Variants in NQO1 observed in about 807,000 individuals in gnomAD.
The protein encoded by NQO1 is NAD(P)H quinone dehydrogenase 1.
In NQO1, 30 loss-of-function variants were observed where a neutral mutation model predicts 32.1. That is an observed-to-expected ratio of 0.94 (90% CI 0.70 to 1.27). The LOEUF (loss-of-function observed/expected upper bound fraction) is 1.27. Ranked by LOEUF, NQO1 falls within the 50% of genes most tolerant of loss-of-function variation. The pLI, the probability that NQO1 is intolerant of heterozygous loss-of-function variation, is 0.00. For synonymous variants in NQO1, 109 were observed against 119.7 expected (o/e 0.91, Z 0.59); for missense variants, 276 against 331.3 (o/e 0.83, Z 1.30).
At chr16:69,715,918 G>C (rs2038106584) in intron 3 of NQO1, among the ~76,000 whole-genome samples, 1 of 152,066 alleles carries the variant, frequency 6.6e-6, no homozygotes, top group Non-Finnish European at 1.5e-5. Flanking sequence ...TATAATCCCA[G>C]TATTTTGGGA....
At chr16:69,721,952 G>A (rs752695782) in intron 1 of NQO1, among the ~76,000 whole-genome samples, 3 of 151,906 alleles carry the variant, frequency 2.0e-5, no homozygotes, top group African/African-American at 7.3e-5. Flanking sequence ...GCAGTGAGCC[G>A]TGATCACACC....
At chr16:69,717,900 C>A in intron 3 of NQO1, 1 of 599,870 alleles carries the variant, frequency 1.7e-6, no homozygotes, top group Non-Finnish European at 2.7e-6. Flanking sequence ...CGTGAGCCAC[C>A]GTGCCTGGCC....
At chr16:69,711,788 G>T (rs2038045377) in intron 5 of NQO1, among the ~76,000 whole-genome samples, 1 of 151,790 alleles carries the variant, frequency 6.6e-6, no homozygotes, top group Non-Finnish European at 1.5e-5. Context: ...CGAGTAGCTG[G>T]GATTACAGGC....
At chr16:69,719,584 G>A (rs1368590463) in intron 1 of NQO1, among the ~76,000 whole-genome samples, 1 of 151,628 alleles carries the variant, frequency 6.6e-6, no homozygotes, top group Non-Finnish European at 1.5e-5. Context: ...GACCATCCTG[G>A]CCAACATGGT....
Position 69,713,099 on chromosome 16 carries a change from C to CA in NQO1, c.447dup (p.Gly150TrpfsTer43). 8.7e-6 allele frequency: 14 copies of CA among 1,614,158 alleles called. No homozygotes were observed. Among genetic ancestry groups the CA allele is most frequent in the Non-Finnish European group, 1.2e-5 (14 of 1,179,990 alleles). On this transcript the variant is annotated frameshift_variant, in exon 5 of 6. Transcript: ENST00000320623. LOFTEE classifies it high-confidence loss of function. ...AGAGAGTACATGGAGCCACTGCCAC[C>CA]AGTGGTGATGGAAAGCACTGCCTTC...
In NQO1 at chr16:69,710,661, G is replaced by C. The variant is rs969015777; in HGVS notation, c.*315C>G. 2 of 305,006 alleles carry C rather than the reference G, an allele frequency of 6.6e-6. No homozygotes were observed. Among genetic ancestry groups the C allele is most frequent in the African/African-American group, 4.4e-5 (2 of 45,804 alleles). 18.9% of individuals were successfully genotyped at this position (305,006 alleles called of 1,614,324 possible). On this transcript the variant is annotated 3_prime_UTR_variant, in exon 6 of 6. Coordinates refer to ENST00000320623, the MANE Select transcript of NQO1 (RefSeq NM_000903.3). The stretch of plus-strand genomic sequence containing the variant: ...GAGTTGAATGATACCTAGCCAAACT[G>C]TACCCTAAAACTTTAGCCCTAAAAA...
intron 5 of NQO1, 65 bp downstream of exon 5, chr16:69,712,963 A>G: frequency 7.4e-7 from 1 of 1,343,868 alleles, no homozygotes; most frequent in Non-Finnish European, 1.1e-6. Flanking sequence ...ACTGCACTCC[A>G]GCCTAGATGA....
At chr16:69,723,957 GCA>G (rs2038227320) in intron 1 of NQO1, among the ~76,000 whole-genome samples, 1 of 152,164 alleles carries the variant, frequency 6.6e-6, no homozygotes, top group African/African-American at 2.4e-5. Flanking sequence ...GCCACAAGAT[GCA>G]CACACGGATA....
Position 69,718,314 on chromosome 16 carries a change from C to T in NQO1, c.172+56G>A, listed in dbSNP as rs879140738. On this transcript the variant is annotated intron_variant, in intron 2 of 5. Coordinates refer to ENST00000320623, the MANE Select transcript of NQO1 (RefSeq NM_000903.3). The stretch of plus-strand genomic sequence containing the variant: ...GGCCAAAGCTGGGCCAGAGGACCCA[C>T]AGGCAAGGAGATCCGCAAAGAACTA... 10 of 1,613,186 alleles carry T rather than the reference C, an allele frequency of 6.2e-6. No homozygotes were observed. In the South Asian group the frequency reaches 6.6e-5, roughly 11 times the overall value.
At chr16:69,723,863 G>T (rs1256023408) in intron 1 of NQO1, among the ~76,000 whole-genome samples, 1 of 152,110 alleles carries the variant, frequency 6.6e-6, no homozygotes, top group Non-Finnish European at 1.5e-5. Flanking sequence ...GGCCCTGGAG[G>T]GTTCATTTTC....
chr16:69,710,020 C>G lies in NQO1; in HGVS notation c.*956G>C, dbSNP rs2038016960. 5.4e-6 allele frequency: 2 copies of G among 370,244 alleles called. No individual in the cohort carries two copies. Among genetic ancestry groups the G allele is most frequent in the South Asian group, 1.5e-4 (1 of 6,768 alleles). 22.9% of individuals were successfully genotyped at this position (370,244 alleles called of 1,614,324 possible). A position where few individuals can be genotyped will look rare whatever the true frequency, so the allele number is the denominator to read the frequency against. On this transcript the variant is annotated 3_prime_UTR_variant, in exon 6 of 6. Coordinates refer to ENST00000320623, the MANE Select transcript of NQO1 (RefSeq NM_000903.3). ...GTACGGTGTGGATTTATTGGTTTAT[C>G]TCTGCAAACCTTAAAGTAGAAGATT...
chr16:69,716,185 T>TC (rs201934554), intron 3 of NQO1, among the ~76,000 whole-genome samples: 14,294 of 143,104 alleles, frequency 0.1, 853 homozygotes, highest in African/African-American at 0.17. Flanking sequence ...ATAATAATAA[T>TC]AATAATAATC....
chr16:69,716,081 T>A (rs1376251414), intron 3 of NQO1, among the ~76,000 whole-genome samples: 1 of 151,446 alleles, frequency 6.6e-6, no homozygotes, highest in Non-Finnish European at 1.5e-5. Flanking sequence ...GGCAGGAGGA[T>A]TGCTTGAGCC....
In NQO1 at chr16:69,723,444, T is replaced by A. The variant is rs182854045; in HGVS notation, c.7+2989A>T. Among the ~76,000 whole-genome samples the A allele has an allele frequency of 3.3e-3, 505 of 152,046 alleles. 6 individuals carry two copies. Among genetic ancestry groups the A allele is most frequent in the African/African-American group, 0.012 (479 of 41,456 alleles). On this transcript the variant is annotated intron_variant, in intron 1 of 5. Coordinates refer to ENST00000320623, the MANE Select transcript of NQO1 (RefSeq NM_000903.3). The stretch of plus-strand genomic sequence containing the variant: ...AATATATTTGCAACAAATATAACCA[T>A]CAAAGTGCAGTACCTGGAATAGGTA...
rs1031986579 is a variant in NQO1, at chr16:69,712,887, G to A, written c.519+141C>T. On this transcript the variant is annotated intron_variant, in intron 5 of 5. Transcript: ENST00000320623. The stretch of plus-strand genomic sequence containing the variant: ...CGAGTGTGGTGGCGGGTGCCTGTCA[G>A]TAGGCTGAGGCAGGAGAATTGCTCG... 5.9e-6 allele frequency: 4 copies of A among 681,180 alleles called. No individual in the cohort carries two copies. In the East Asian group the frequency reaches 1.1e-4, roughly 18 times the overall value. 42.2% of individuals were successfully genotyped at this position (681,180 alleles called of 1,614,324 possible). A position where few individuals can be genotyped will look rare whatever the true frequency, so the allele number is the denominator to read the frequency against.
chr16:69,721,519 C>CT (rs968494831), intron 1 of NQO1, among the ~76,000 whole-genome samples: 44 of 152,266 alleles, frequency 2.9e-4, no homozygotes, highest in African/African-American at 1.0e-3. Flanking sequence ...ATCAATTTCT[C>CT]TTTTTTATTA....
chr16:69,714,836 G>A (rs530170254), intron 4 of NQO1, 128 bp downstream of exon 4: 78 of 655,128 alleles, frequency 1.2e-4, no homozygotes, highest in Non-Finnish European at 1.7e-4. Context: ...CCGAGATCCC[G>A]CCACTGCACT....
chr16:69,713,962 G>C (rs1401149532), intron 4 of NQO1, among the ~76,000 whole-genome samples: 7 of 149,048 alleles, frequency 4.7e-5, no homozygotes, highest in African/African-American at 1.7e-4. Context: ...TGCAACCTCT[G>C]CCTCCCGGGT....
At chr16:69,713,222 C>T (rs2038064569) in intron 4 of NQO1, 93 bp from the exon 5 acceptor site, 4 of 922,928 alleles carry the variant, frequency 4.3e-6, no homozygotes, top group Admixed American at 2.0e-5. Flanking sequence ...AAAGAACACA[C>T]AAGTCTGTCC....
Sources: gnomAD v4.1 joint callset for allele counts (sites outside exome capture counted in the v4.1 genomes callset) on GRCh38, gnomAD v4.1.1 for gene constraint, MANE v1.5 for transcripts, NCBI Gene and HGNC (gene_info 2026-07-23, HGNC 2026-07-21) for gene names.